TEX101: variants seen among roughly 807,000 people sequenced by gnomAD.
TEX101 encodes the protein testis-expressed protein 101.
A neutral mutation model predicts 18.1 loss-of-function variants in TEX101; 10 were observed. The observed-to-expected ratio is 0.55, with a 90% confidence interval of 0.34 to 0.94. The LOEUF (loss-of-function observed/expected upper bound fraction) is 0.94. TEX101 is among the 40% of genes least tolerant of loss of function. TEX101 has a pLI of 0.02. For missense variants in TEX101, 259 were observed against 298.9 expected, an observed-to-expected ratio of 0.87 and a Z score of 0.98; for synonymous variants, 94 against 114.8, an observed-to-expected ratio of 0.82 and a Z score of 1.16.
Position 43,416,430 on chromosome 19 carries a change from T to C in TEX101, c.266T>C (p.Ile89Thr), listed in dbSNP as rs202244775. 2 of 1,614,144 alleles carry C rather than the reference T, an allele frequency of 1.2e-6. No homozygotes were observed. Among genetic ancestry groups the C allele is most frequent in the East Asian group, 4.5e-5 (2 of 44,880 alleles). ...TGCATCCCGGAAGGGGAGGAGGCCATAACAATTGTCCAGCACTCTTCACCT... is the reference window on the plus strand; with the variant it reads ...TGCATCCCGGAAGGGGAGGAGGCCACAACAATTGTCCAGCACTCTTCACCT... ...KGCIPEGEEA[I>T]TIVQHSSPPG... is the part of the protein sequence containing the mutation. Residue 89 changes from isoleucine to threonine, a missense_variant, in exon 4 of 6, where the codon ATA becomes ACA. Coordinates refer to ENST00000598265, the MANE Select transcript of TEX101 (RefSeq NM_001130011.3).
chr19:43,415,045 G>C lies in TEX101; in HGVS notation c.-40+7G>C, dbSNP rs562871255. The C allele has an allele frequency of 2.0e-6, 2 of 985,364 alleles. No individual in the cohort carries two copies. The highest frequency in any genetic ancestry group is 2.4e-6 in the Non-Finnish European group (2 of 829,962). The allele number at this position is 985,364 out of a possible 1,614,324, so 61.0% of individuals were successfully genotyped here. On this transcript the variant is annotated splice_region_variant and intron_variant, in intron 1 of 5. Transcript: ENST00000598265. ...CAGATTCCTGGATTCTGAGGAAAGA[G>C]AAGGCTGGGGACCCAGATCCTGGCT...
At chr19:43,405,951 A>G (rs1970357330) in intron 2 of TEX101, among the ~76,000 whole-genome samples, 1 of 151,998 alleles carries the variant, frequency 6.6e-6, no homozygotes, top group Admixed American at 6.6e-5. Flanking sequence ...AGGATACACA[A>G]TTGTTGACTA....
In TEX101 at chr19:43,402,546, C is replaced by G. The variant is rs368325609; in HGVS notation, c.-376-220C>G. Among the ~76,000 whole-genome samples, 41 of 151,492 alleles carry G rather than the reference C, an allele frequency of 2.7e-4. No individual in the cohort carries two copies. In the East Asian group the frequency reaches 7.0e-3, roughly 26 times the overall value. ...TCATGCAGCAGCACTGGTTTAATGACTGGAGATAGAACAAACAGATGTTTG... is the reference window on the plus strand; with the variant it reads ...TCATGCAGCAGCACTGGTTTAATGAGTGGAGATAGAACAAACAGATGTTTG... On this transcript the variant is annotated intron_variant, in intron 1 of 7. Coordinates refer to the TEX101 transcript ENST00000602198.
At chr19:43,394,722 G>A in the TEX101 span, among the ~76,000 whole-genome samples, 80 of 152,038 alleles carry the variant, frequency 5.3e-4, no homozygotes, top group Non-Finnish European at 8.8e-4. Flanking sequence ...CGCCTGCCTC[G>A]ACCTCCCAAA....
At chr19:43,393,316 T>G in the TEX101 span, among the ~76,000 whole-genome samples, 1 of 152,306 alleles carries the variant, frequency 6.6e-6, no homozygotes, top group East Asian at 1.9e-4. Flanking sequence ...CCAGTGCCCC[T>G]GAGCTGCTCC....
the TEX101 span, among the ~76,000 whole-genome samples, chr19:43,396,085 C>T: frequency 6.6e-6 from 1 of 152,218 alleles, no homozygotes; most frequent in Non-Finnish European, 1.5e-5. Flanking sequence ...CCATCCATCT[C>T]CCCTTCCCCA....
intron 3 of TEX101, among the ~76,000 whole-genome samples, chr19:43,406,929 TTG>T (rs1269878826): frequency 9.6e-6 from 1 of 104,556 alleles, no homozygotes; most frequent in Non-Finnish European, 1.8e-5. Context: ...TCTTTGTTTT[TTG>T]TTTTTTTTTT....
chr19:43,395,359 G>T, the TEX101 span, among the ~76,000 whole-genome samples: 1 of 152,202 alleles, frequency 6.6e-6, no homozygotes, highest in Non-Finnish European at 1.5e-5. Flanking sequence ...TACAAATGTG[G>T]CGAATTTTGG....
chr19:43,416,021 A>G (rs1235136008), intron 2 of TEX101, 38 bp downstream of exon 2: 1 of 1,612,580 alleles, frequency 6.2e-7, no homozygotes, highest in Non-Finnish European at 8.5e-7. Context: ...CGTGTGTCAC[A>G]GAAGGTGGAC....
At chr19:43,414,382 G>A (rs918609203), upstream of TEX101, among the ~76,000 whole-genome samples, 1 of 152,176 alleles carries the variant, frequency 6.6e-6, no homozygotes, top group African/African-American at 2.4e-5. Context: ...TGAGGAGGCT[G>A]GTGCGATAGC....
chr19:43,403,594 A>G (rs1272053895), intron 2 of TEX101, among the ~76,000 whole-genome samples: 1 of 152,206 alleles, frequency 6.6e-6, no homozygotes, highest in Non-Finnish European at 1.5e-5. Flanking sequence ...AATAATTTAA[A>G]AAAGGAAATA....
intron 1 of TEX101, among the ~76,000 whole-genome samples, chr19:43,401,882 TACTCATAAAAATAC>T (rs1310463794): frequency 6.6e-6 from 1 of 152,110 alleles, no homozygotes; most frequent in African/African-American, 2.4e-5. Context: ...GCCCAGATTC[TACTCATAAAAATAC>T]GAATGGAGAA....
chr19:43,391,295 ATGAT>A, the TEX101 span, among the ~76,000 whole-genome samples: 25 of 151,988 alleles, frequency 1.6e-4, no homozygotes, highest in African/African-American at 5.8e-4. Flanking sequence ...TGGTGAGTCT[ATGAT>A]TAATTTTTTG....
At chr19:43,411,687 G>A (rs1231455084), upstream of TEX101, among the ~76,000 whole-genome samples, 2 of 148,550 alleles carry the variant, frequency 1.3e-5, no homozygotes, top group Non-Finnish European at 3.0e-5. Flanking sequence ...TTTTGCTCTT[G>A]TTGCCCAGGC....
upstream of TEX101, among the ~76,000 whole-genome samples, chr19:43,397,470 T>C (rs541535543): frequency 3.3e-3 from 497 of 152,178 alleles, 2 homozygotes; most frequent in African/African-American, 0.011. Flanking sequence ...GTTTTCAACT[T>C]TTTAATATGA....
chr19:43,411,897 A>ACCAC (rs1325527900), upstream of TEX101, among the ~76,000 whole-genome samples: 1 of 151,862 alleles, frequency 6.6e-6, no homozygotes, highest in Non-Finnish European at 1.5e-5. Flanking sequence ...CCTCAGGTGA[A>ACCAC]CCACCCACCT....
upstream of TEX101, among the ~76,000 whole-genome samples, chr19:43,400,280 G>A (rs1970308068): frequency 6.6e-6 from 1 of 152,188 alleles, no homozygotes; most frequent in Non-Finnish European, 1.5e-5. Context: ...GGTATTTTTA[G>A]AGACTACAAT....
chr19:43,392,470 G>A, the TEX101 span, among the ~76,000 whole-genome samples: 12 of 152,260 alleles, frequency 7.9e-5, no homozygotes, highest in Non-Finnish European at 1.6e-4. Flanking sequence ...AGATTTTGCA[G>A]CAGAGACACC....
upstream of TEX101, among the ~76,000 whole-genome samples, chr19:43,396,826 A>ATTTT (rs1202828153): frequency 1.4e-4 from 12 of 82,874 alleles, no homozygotes; most frequent in Non-Finnish European, 1.7e-4. Flanking sequence ...TGTTTTCAGC[A>ATTTT]TTTTTTTTTT....
Sources: allele counts gnomAD v4.1 joint callset (sites outside exome capture counted in the v4.1 genomes callset), GRCh38; gene constraint gnomAD v4.1.1; transcripts MANE v1.5; gene names NCBI Gene and HGNC (gene_info 2026-07-23, HGNC 2026-07-21).